Variants in GLI2 observed in about 807,000 individuals in gnomAD.
GLI2 encodes GLI family zinc finger 2, also known as transcription activator GLI2.
GLI2 carries 22 observed loss-of-function variants against 78.9 expected under a neutral mutation model. The observed-to-expected ratio is 0.28, with a 90% CI of 0.20 to 0.40. The LOEUF (loss-of-function observed/expected upper bound fraction) is 0.40, where lower values mean the gene tolerates loss of function less well. Ranked by LOEUF, GLI2 falls within the 10% of genes least tolerant of loss-of-function variation. GLI2 has a pLI of 1.00. For synonymous variants in GLI2, 974 were observed against 963.7 expected, an observed-to-expected ratio of 1.01 and a Z score of -0.20; for missense variants, 2,097 against 2,213.2, an observed-to-expected ratio of 0.95 and a Z score of 1.05.
intron 3 of GLI2, among the ~76,000 whole-genome samples, chr2:120,928,327 C>A (rs989771876): frequency 3.9e-5 from 6 of 152,188 alleles, no homozygotes; most frequent in Non-Finnish European, 8.8e-5. Flanking sequence ...CAGCTGCCTG[C>A]CCAGTGTGCC....
chr2:120,986,930 G>C (rs1385249882), intron 13 of GLI2, among the ~76,000 whole-genome samples: 2 of 152,202 alleles, frequency 1.3e-5, no homozygotes, highest in Non-Finnish European at 2.9e-5. Context: ...GGCACTTGCT[G>C]TGGGCACCAT....
chr2:120,960,139 A>T (rs1015322276), intron 5 of GLI2, among the ~76,000 whole-genome samples: 5 of 152,208 alleles, frequency 3.3e-5, no homozygotes, highest in Non-Finnish European at 5.9e-5. Flanking sequence ...CTAGGGACGC[A>T]ACGCATCATG....
chr2:120,959,763 C>T (rs180674848), intron 5 of GLI2, among the ~76,000 whole-genome samples: 45 of 152,304 alleles, frequency 3.0e-4, no homozygotes, highest in Non-Finnish European at 5.4e-4. Context: ...CAGTCCCTCC[C>T]GGAAAGCTCC....
chr2:120,923,630 C>T (rs1679512098), intron 2 of GLI2, among the ~76,000 whole-genome samples: 1 of 152,088 alleles, frequency 6.6e-6, no homozygotes, highest in South Asian at 2.1e-4. Context: ...ACACCACATG[C>T]ACATACACAG....
At chr2:120,836,625 A>T (rs879787142) in intron 2 of GLI2, among the ~76,000 whole-genome samples, 1 of 152,230 alleles carries the variant, frequency 6.6e-6, no homozygotes, top group East Asian at 1.9e-4. Flanking sequence ...ATTTAAAAAG[A>T]TGCAATAGAA....
intron 2 of GLI2, among the ~76,000 whole-genome samples, chr2:120,861,730 GCATTAA>G (rs979267105): frequency 2.0e-5 from 3 of 152,176 alleles, no homozygotes; most frequent in African/African-American, 7.2e-5. Flanking sequence ...GACGAAAAAG[GCATTAA>G]CCTGCCGGTC....
chr2:120,884,206 G>A (rs1677289452), intron 2 of GLI2, among the ~76,000 whole-genome samples: 1 of 152,228 alleles, frequency 6.6e-6, no homozygotes, highest in Admixed American at 6.5e-5. Flanking sequence ...GGGTCTGTGA[G>A]ACCCAGGCGT....
chr2:120,990,335 C>T lies in GLI2; in HGVS notation c.4370C>T (p.Pro1457Leu), dbSNP rs779265139. ...GSCQVMRSQP[P>L]QPQACQDSIQ... Reference sequence around the variant, plus strand: ...TGCCAGGTCATGCGGTCCCAGCCACCACAGCCACAGGCCTGTCAGGACAGC... The same window carrying T: ...TGCCAGGTCATGCGGTCCCAGCCACTACAGCCACAGGCCTGTCAGGACAGC... The change falls in exon 14 of 14, where the codon CCA (proline) becomes CTA (leucine). Residue 1457 changes from proline to leucine, a missense_variant. Around this residue, in one of 5 missense-constraint regions of GLI2, gnomAD observed 1,290 missense variants for 1,261.7 expected, o/e 1.02. Transcript: ENST00000361492. 6.2e-7 allele frequency: 1 copy of T among 1,613,930 alleles called. No individual in the cohort carries two copies. The highest frequency in any genetic ancestry group is 1.7e-5 in the Admixed American group (1 of 60,026).
At chr2:120,850,499 A>G (rs201325197) in intron 2 of GLI2, among the ~76,000 whole-genome samples, 1 of 152,178 alleles carries the variant, frequency 6.6e-6, no homozygotes, top group Non-Finnish European at 1.5e-5. Flanking sequence ...CTTCAGTCAT[A>G]TAGGAGGGAC....
intron 3 of GLI2, among the ~76,000 whole-genome samples, chr2:120,933,232 C>T (rs936654367): frequency 2.6e-5 from 4 of 152,148 alleles, no homozygotes; most frequent in African/African-American, 9.7e-5. Context: ...GACACCCAAG[C>T]CCACTCCTCT....
chr2:120,784,076 G>A (rs1452692437), intron 1 of GLI2, among the ~76,000 whole-genome samples: 1 of 152,218 alleles, frequency 6.6e-6, no homozygotes, highest in African/African-American at 2.4e-5. Context: ...CATGGTGTGC[G>A]GGGGCAATCC....
At chr2:120,808,642 C>T (rs1685075533) in intron 2 of GLI2, among the ~76,000 whole-genome samples, 1 of 152,204 alleles carries the variant, frequency 6.6e-6, no homozygotes, top group African/African-American at 2.4e-5. Flanking sequence ...GCCCTCTACG[C>T]CATGTTGGTG....
In GLI2 at chr2:120,737,474, A is replaced by C. The variant is rs1682403977; in HGVS notation, c.-31+1189A>C. 6.6e-6 allele frequency among the ~76,000 whole-genome samples: 1 copy of C among 152,000 alleles called. No homozygotes were observed. The highest frequency in any genetic ancestry group is 1.5e-5 in the Non-Finnish European group (1 of 68,000). On this transcript the variant is annotated intron_variant, in intron 1 of 13. Coordinates refer to ENST00000361492, the MANE Select transcript of GLI2 (RefSeq NM_001374353.1). The surrounding 1 kb of genome is among the most constrained non-coding windows in gnomAD (Gnocchi z 4.3). ...TGTGTAATTGTTCTGTGGCTCCTAG[A>C]GTTGATCCCAGCTGGAAAAGTAGAC...
At chr2:120,745,948 G>A (rs1573335681) in intron 1 of GLI2, among the ~76,000 whole-genome samples, 2 of 152,232 alleles carry the variant, frequency 1.3e-5, no homozygotes, top group South Asian at 4.1e-4. Context: ...GAGGTGGGAT[G>A]TGGGCTGGTG....
intron 2 of GLI2, among the ~76,000 whole-genome samples, chr2:120,894,003 A>G (rs569048751): frequency 1.3e-5 from 2 of 152,372 alleles, no homozygotes; most frequent in Non-Finnish European, 2.9e-5. Context: ...CGTCCCCTGC[A>G]GAATAAACTC....
chr2:120,783,872 A>G (rs1159844660), intron 1 of GLI2, among the ~76,000 whole-genome samples: 2 of 152,248 alleles, frequency 1.3e-5, no homozygotes, highest in Non-Finnish European at 2.9e-5. Context: ...AGCAAGCTTC[A>G]AAGAAGTGAC....
At chr2:120,781,285 A>G (rs1013892057) in intron 1 of GLI2, among the ~76,000 whole-genome samples, 5 of 152,052 alleles carry the variant, frequency 3.3e-5, no homozygotes, top group Non-Finnish European at 7.4e-5. Context: ...TGGTGGTCAT[A>G]ACTCCCAGGA....
At position 120,894,156 on chromosome 2, in the gene GLI2, C is replaced by T. The variant is rs560911795; in HGVS notation, c.149-33205C>T. Among the ~76,000 whole-genome samples the T allele has an allele frequency of 8.7e-4, 132 of 152,344 alleles. 2 individuals carry two copies. The highest frequency in any genetic ancestry group is 9.4e-4 in the Non-Finnish European group (64 of 68,030). ...CTCTCTGCTGCTCACTCTGACTTTCCGGAAAGGCCCCAATCTCACCCTGGA... is the reference window on the plus strand; with the variant it reads ...CTCTCTGCTGCTCACTCTGACTTTCTGGAAAGGCCCCAATCTCACCCTGGA... On this transcript the variant is annotated intron_variant, in intron 2 of 13. Transcript: ENST00000361492.
intron 2 of GLI2, among the ~76,000 whole-genome samples, chr2:120,871,362 C>T (rs1005419409): frequency 2.0e-5 from 3 of 152,196 alleles, no homozygotes; most frequent in Non-Finnish European, 2.9e-5. Context: ...TGAGGATGCA[C>T]GGGAGCTGGC....
Sources: allele counts gnomAD v4.1 joint callset (sites outside exome capture counted in the v4.1 genomes callset), GRCh38; gene constraint gnomAD v4.1.1; regional missense constraint gnomAD v4.1.1; non-coding constraint Gnocchi (gnomAD v3.1); transcripts MANE v1.5; gene names NCBI Gene and HGNC (gene_info 2026-07-23, HGNC 2026-07-21).